The following CCDC85A variants were observed in gnomAD, a reference collection of about 807,000 sequenced individuals.
CCDC85A encodes the protein coiled-coil domain containing 85A.
In CCDC85A, 38 loss-of-function variants were observed where a neutral mutation model predicts 50.2. That is an observed-to-expected ratio of 0.76 (90% confidence interval 0.58 to 0.99). The LOEUF (loss-of-function observed/expected upper bound fraction) is 0.99. CCDC85A is among the 50% of genes least tolerant of loss of function. The probability of loss-of-function intolerance (pLI) is 0.00; values close to 1 mark genes in which losing one functional copy is unlikely to be tolerated. For synonymous variants in CCDC85A, 366 were observed against 301.4 expected (o/e 1.21, Z -2.22); for missense variants, 820 against 742.0 (o/e 1.11, Z -1.22).
At chr2:56,183,950 C>G, upstream of CCDC85A, 1 of 985,358 alleles carries the variant, frequency 1.0e-6, no homozygotes, top group Non-Finnish European at 1.2e-6. Flanking sequence ...GTGGCCCCAG[C>G]TCCAGGCTCC....
intron 4 of CCDC85A, among the ~76,000 whole-genome samples, chr2:56,373,535 G>A (rs149405761): frequency 2.0e-4 from 31 of 152,216 alleles, no homozygotes; most frequent in Non-Finnish European, 4.0e-4. Context: ...GAACGATAGA[G>A]GCCCATGCCC....
At chr2:56,316,105 A>G (rs947895025) in intron 2 of CCDC85A, among the ~76,000 whole-genome samples, 5 of 151,184 alleles carry the variant, frequency 3.3e-5, no homozygotes, top group Non-Finnish European at 5.9e-5. Flanking sequence ...TCCCTGAGAC[A>G]TATTTGTCAA....
chr2:56,376,004 T>C (rs1676318762), intron 5 of CCDC85A, 69 bp downstream of exon 5: 11 of 1,538,926 alleles, frequency 7.1e-6, no homozygotes, highest in African/African-American at 5.5e-5. Flanking sequence ...TGTAGTCTAG[T>C]AGTCCTCACA....
intron 2 of CCDC85A, among the ~76,000 whole-genome samples, chr2:56,308,739 C>T (rs10490402): frequency 0.027 from 4,121 of 152,242 alleles, 192 homozygotes; most frequent in African/African-American, 0.093. Context: ...GAAAGTCCAC[C>T]TGGCCCGACT....
chr2:56,238,291 C>T (rs1241758796), intron 2 of CCDC85A, among the ~76,000 whole-genome samples: 1 of 151,958 alleles, frequency 6.6e-6, no homozygotes, highest in East Asian at 1.9e-4. Context: ...GTGGTGGGCG[C>T]CTGTAATCCC....
intron 1 of CCDC85A, among the ~76,000 whole-genome samples, chr2:56,191,106 G>A (rs1676278595): frequency 6.6e-6 from 1 of 152,144 alleles, no homozygotes; most frequent in Admixed American, 6.5e-5. Context: ...CCCTCTCCCT[G>A]CCTGGGATCA....
In CCDC85A at chr2:56,371,434, A is replaced by C. The variant is rs1206855152; in HGVS notation, c.1318-910A>C. Among the ~76,000 whole-genome samples, 6 of 152,234 alleles carry C rather than the reference A, an allele frequency of 3.9e-5. No individual in the cohort carries two copies. In the East Asian group the frequency reaches 1.2e-3, roughly 29 times the overall value. On this transcript the variant is annotated intron_variant, in intron 3 of 5. Coordinates refer to ENST00000407595, the MANE Select transcript of CCDC85A (RefSeq NM_001080433.2). ...ATTAAAATTTTATGTTCTTATTTTCAGTCTTCTAAAGTCAACCTCAACATT... is the reference window on the plus strand; with the variant it reads ...ATTAAAATTTTATGTTCTTATTTTCCGTCTTCTAAAGTCAACCTCAACATT...
intron 2 of CCDC85A, among the ~76,000 whole-genome samples, chr2:56,247,194 C>A (rs1182305085): frequency 1.3e-5 from 2 of 152,114 alleles, no homozygotes; most frequent in African/African-American, 2.4e-5. Context: ...TTGAAGGTAA[C>A]CAGAACACAG....
intron 2 of CCDC85A, among the ~76,000 whole-genome samples, chr2:56,260,132 G>A (rs1157689847): frequency 6.6e-6 from 1 of 152,184 alleles, no homozygotes; most frequent in African/African-American, 2.4e-5. Context: ...AAGACTGATG[G>A]GAACCAGAAA....
At chr2:56,347,651 T>A (rs1674694688) in intron 3 of CCDC85A, among the ~76,000 whole-genome samples, 1 of 152,160 alleles carries the variant, frequency 6.6e-6, no homozygotes, top group Admixed American at 6.5e-5. Flanking sequence ...TTCCCACCCC[T>A]GCATGGAAAA....
At chr2:56,204,606 T>C (rs1236462761) in intron 2 of CCDC85A, among the ~76,000 whole-genome samples, 2 of 152,202 alleles carry the variant, frequency 1.3e-5, no homozygotes, top group Non-Finnish European at 2.9e-5. Context: ...CTAATTGGCT[T>C]GGACTGGCAG....
At chr2:56,222,331 G>A (rs571988280) in intron 2 of CCDC85A, among the ~76,000 whole-genome samples, 13 of 152,020 alleles carry the variant, frequency 8.6e-5, no homozygotes, top group Admixed American at 6.6e-4. Flanking sequence ...CATATTTAAG[G>A]TATATAGCAT....
intron 2 of CCDC85A, among the ~76,000 whole-genome samples, chr2:56,219,434 T>G (rs896967031): frequency 6.6e-6 from 1 of 151,714 alleles, no homozygotes; most frequent in African/African-American, 2.4e-5. Flanking sequence ...TGACATATAA[T>G]GAAAATTGCA....
At chr2:56,364,687 C>T (rs1005656678) in intron 3 of CCDC85A, among the ~76,000 whole-genome samples, 3 of 152,252 alleles carry the variant, frequency 2.0e-5, no homozygotes, top group South Asian at 2.1e-4. Context: ...GACCATTTAG[C>T]GAGTACCTAA....
intron 2 of CCDC85A, among the ~76,000 whole-genome samples, chr2:56,207,917 A>G (rs1349707110): frequency 3.3e-5 from 5 of 151,948 alleles, no homozygotes; most frequent in African/African-American, 9.7e-5. Context: ...TCCATTATTC[A>G]CTCTGGAACT....
intron 2 of CCDC85A, among the ~76,000 whole-genome samples, chr2:56,207,281 A>G (rs1254480418): frequency 1.3e-5 from 2 of 152,166 alleles, no homozygotes; most frequent in Non-Finnish European, 2.9e-5. Flanking sequence ...GGCTGTTAGG[A>G]GTGCATAGGG....
At chr2:56,225,286 C>T (rs1035565533) in intron 2 of CCDC85A, among the ~76,000 whole-genome samples, 15 of 152,010 alleles carry the variant, frequency 9.9e-5, no homozygotes, top group African/African-American at 3.1e-4. Context: ...ACTAGCTTGG[C>T]GTGGTGGTGC....
chr2:56,190,724 C>G (rs1256938190), intron 1 of CCDC85A, among the ~76,000 whole-genome samples: 1 of 152,134 alleles, frequency 6.6e-6, no homozygotes, highest in African/African-American at 2.4e-5. Flanking sequence ...CCCACCTTCT[C>G]CACTGCTACC....
intron 3 of CCDC85A, among the ~76,000 whole-genome samples, chr2:56,348,851 C>T (rs931979594): frequency 2.0e-5 from 3 of 152,146 alleles, no homozygotes; most frequent in African/African-American, 7.2e-5. Context: ...CGTTTTGCCT[C>T]TTTATCCTTT....
Sources: allele counts gnomAD v4.1 joint callset (sites outside exome capture counted in the v4.1 genomes callset), GRCh38; gene constraint gnomAD v4.1.1; transcripts MANE v1.5; gene names NCBI Gene and HGNC (gene_info 2026-07-23, HGNC 2026-07-21).